Variants in AOPEP observed in about 807,000 individuals in gnomAD.
AOPEP encodes the protein aminopeptidase O.
AOPEP carries 77 observed loss-of-function variants against 98.1 expected under a neutral mutation model. That is an observed-to-expected ratio of 0.78 (90% CI 0.65 to 0.95). The LOEUF is 0.95. Ranked by LOEUF, AOPEP falls within the 40% of genes least tolerant of loss-of-function variation. The pLI, the probability that AOPEP is intolerant of heterozygous loss-of-function variation, is 0.00. For missense variants in AOPEP, 1,024 were observed against 1,024.7 expected (o/e 1.00, Z 0.01); for synonymous variants, 346 against 365.3 (o/e 0.95, Z 0.60).
chr9:95,030,821 T>A (rs1248103784), intron 13 of AOPEP, among the ~76,000 whole-genome samples: 1 of 152,236 alleles, frequency 6.6e-6, no homozygotes, highest in Non-Finnish European at 1.5e-5. Flanking sequence ...GTTCAGCAGT[T>A]AACCGTGGGT....
chr9:95,069,441 T>G (rs2068251621), intron 14 of AOPEP, among the ~76,000 whole-genome samples: 1 of 152,234 alleles, frequency 6.6e-6, no homozygotes, highest in Non-Finnish European at 1.5e-5. Flanking sequence ...AATTTCAGAA[T>G]TACATATTGA....
chr9:95,045,238 C>G (rs1434934911), intron 13 of AOPEP, among the ~76,000 whole-genome samples: 1 of 152,220 alleles, frequency 6.6e-6, no homozygotes, highest in Non-Finnish European at 1.5e-5. Flanking sequence ...GAGGGAGTGT[C>G]ATCGCCTGCA....
At chr9:95,141,312 A>C in the AOPEP span, among the ~76,000 whole-genome samples, 9 of 3,332 alleles carry the variant, frequency 2.7e-3, no homozygotes, top group Non-Finnish European at 3.8e-3. Context: ...ACCCTGTCTC[A>C]AAAAAAAAAA....
chr9:94,964,102 C>T (rs575966935), intron 9 of AOPEP, among the ~76,000 whole-genome samples: 5 of 152,280 alleles, frequency 3.3e-5, no homozygotes, highest in African/African-American at 4.8e-5. Context: ...GAATATCGAA[C>T]GCTATAGAAA....
intron 3 of AOPEP, among the ~76,000 whole-genome samples, chr9:94,774,311 CAAAAAAAAAA>C (rs34936539): frequency 0.011 from 735 of 67,854 alleles, 10 homozygotes; most frequent in South Asian, 0.11. Context: ...GACTCCATCT[CAAAAAAAAAA>C]AAAAAAAAAA....
the AOPEP span, chr9:95,114,431 C>G: frequency 3.0e-6 from 2 of 670,658 alleles, no homozygotes; most frequent in Non-Finnish European, 5.5e-6. Context: ...CATGCGCATG[C>G]CTATTCATCC....
rs140010998 is a variant in AOPEP, at chr9:94,885,618, C to G, written c.1365-38368C>G. On this transcript the variant is annotated intron_variant, in intron 5 of 16. Coordinates refer to ENST00000375315, the MANE Select transcript of AOPEP (RefSeq NM_001193329.3). ...GGAAGCTGGGACATGTAGCCTAACA[C>G]TTTGAGCCCAGGAACAAGAGGAGAA... Among the ~76,000 whole-genome samples, 1,142 of 152,086 alleles carry G rather than the reference C, an allele frequency of 7.5e-3. 9 individuals carry two copies. The highest frequency in any genetic ancestry group is 0.011 in the Non-Finnish European group (715 of 67,994).
chr9:95,120,363 T>C, the AOPEP span, among the ~76,000 whole-genome samples: 4 of 152,158 alleles, frequency 2.6e-5, no homozygotes, highest in Admixed American at 2.6e-4. Context: ...GATCTATCTA[T>C]GGCTGTCTTT....
chr9:95,015,144 C>T (rs1158241085), intron 13 of AOPEP, among the ~76,000 whole-genome samples: 1 of 152,180 alleles, frequency 6.6e-6, no homozygotes, highest in Non-Finnish European at 1.5e-5. Flanking sequence ...TAAAGCAACA[C>T]TTTACACATG....
chr9:95,113,559 C>G, the AOPEP span: 1 of 150,836 alleles, frequency 6.6e-6, no homozygotes. Context: ...GACGGGAGGC[C>G]AAGGCAGGAG....
chr9:95,009,254 G>A (rs2062294016), intron 13 of AOPEP, among the ~76,000 whole-genome samples: 1 of 150,732 alleles, frequency 6.6e-6, no homozygotes, highest in African/African-American at 2.4e-5. Flanking sequence ...ATAAAATTGT[G>A]TGCCATCACA....
chr9:94,787,651 T>C (rs1844731072), intron 3 of AOPEP, among the ~76,000 whole-genome samples: 1 of 152,254 alleles, frequency 6.6e-6, no homozygotes, highest in South Asian at 2.1e-4. Context: ...TATTTCATCA[T>C]TTTAATAGTA....
intron 5 of AOPEP, among the ~76,000 whole-genome samples, chr9:94,813,946 T>G (rs538332263): frequency 5.9e-5 from 9 of 152,280 alleles, no homozygotes; most frequent in African/African-American, 2.2e-4. Context: ...GAAGATAAAG[T>G]ACACACTCAA....
chr9:94,878,649 A>G (rs1023246327), intron 5 of AOPEP, among the ~76,000 whole-genome samples: 9 of 152,168 alleles, frequency 5.9e-5, no homozygotes, highest in Admixed American at 3.3e-4. Context: ...TCCAGTGACT[A>G]TTTCATAAGG....
chr9:95,147,873 T>G, the AOPEP span, among the ~76,000 whole-genome samples: 1 of 152,232 alleles, frequency 6.6e-6, no homozygotes, highest in Admixed American at 6.5e-5. Flanking sequence ...TGCTTGTACT[T>G]GTCTGGTATC....
chr9:95,055,024 G>C (rs2066702920), intron 13 of AOPEP, among the ~76,000 whole-genome samples: 1 of 152,226 alleles, frequency 6.6e-6, no homozygotes, highest in Admixed American at 6.5e-5. Flanking sequence ...TTAAGTTTTT[G>C]CTTCAACATA....
chr9:94,895,229 T>A (rs7470452), intron 5 of AOPEP, among the ~76,000 whole-genome samples: 1,884 of 24,542 alleles, frequency 0.077, 53 homozygotes, highest in East Asian at 0.2. Flanking sequence ...TAAAAAAAAA[T>A]AAAATAAAAT....
intron 5 of AOPEP, among the ~76,000 whole-genome samples, chr9:94,919,617 A>G (rs961668044): frequency 6.6e-5 from 10 of 152,132 alleles, no homozygotes; most frequent in African/African-American, 2.4e-4. Context: ...GAGTGTTGAC[A>G]TACATCACTT....
rs536111871 is a variant in AOPEP at position 94,932,128 on chromosome 9, G to A, written c.1661+3597G>A. On this transcript the variant is annotated intron_variant, in intron 7 of 16. Transcript: ENST00000375315. ...TTCAGGGAACTGAGAGCATTTAGTT[G>A]CATTAAAACAAATAAAAAAACAAAC... 7.9e-6 allele frequency: 8 copies of A among 1,018,100 alleles called. No individual in the cohort carries two copies. The African/African-American group carries it at 1.0e-4, about 13-fold the overall frequency. 63.1% of individuals were successfully genotyped at this position (1,018,100 alleles called of 1,614,324 possible). A position where few individuals can be genotyped will look rare whatever the true frequency, so the allele number is the denominator to read the frequency against.
Sources: allele counts gnomAD v4.1 joint callset (sites outside exome capture counted in the v4.1 genomes callset), GRCh38; gene constraint gnomAD v4.1.1; transcripts MANE v1.5; gene names NCBI Gene and HGNC (gene_info 2026-07-23, HGNC 2026-07-21).